The following PRMT8 variants were observed in gnomAD, a reference collection of about 807,000 sequenced individuals.
PRMT8 encodes protein arginine methyltransferase 8, also known as protein arginine N-methyltransferase 8.
PRMT8 carries 7 observed loss-of-function variants against 47.1 expected under a neutral mutation model. The observed-to-expected ratio is 0.15, with a 90% CI of 0.08 to 0.28. The LOEUF (loss-of-function observed/expected upper bound fraction) is 0.28. Among genes scored for constraint, PRMT8 ranks in the 10% least tolerant of loss-of-function variants. The pLI is 1.00. For synonymous variants in PRMT8, 188 were observed against 186.5 expected, an observed-to-expected ratio of 1.01 and a Z score of -0.07; for missense variants, 237 against 505.4, an observed-to-expected ratio of 0.47 and a Z score of 5.09.
At chr12:3,394,889 T>G (rs1310953647) in intron 1 of PRMT8, among the ~76,000 whole-genome samples, 3 of 151,466 alleles carry the variant, frequency 2.0e-5, no homozygotes, top group East Asian at 1.9e-4. Flanking sequence ...CAATTTCAGA[T>G]CCTGTTATTG....
At chr12:3,577,038 C>A in intron 7 of PRMT8, 52 bp downstream of exon 7, 1 of 1,490,182 alleles carries the variant, frequency 6.7e-7, no homozygotes, top group South Asian at 1.1e-5. Flanking sequence ...CCCCGCTGTG[C>A]CACCCTGGAG....
rs560025139 is a variant in PRMT8 at position 3,580,726 on chromosome 12, G to T, written c.829-2332G>T. ...TGGAAGGCCATGCTACACTGGTGACGGAGGGAACCAAGAAAGAAAGATACC... is the reference window on the plus strand; with the variant it reads ...TGGAAGGCCATGCTACACTGGTGACTGAGGGAACCAAGAAAGAAAGATACC... On this transcript the variant is annotated intron_variant, in intron 7 of 9. Transcript: ENST00000382622. The surrounding 1 kb of genome is among the most constrained non-coding windows in gnomAD (Gnocchi z 4.6). Among the ~76,000 whole-genome samples, 2 of 152,248 alleles carry T rather than the reference G, an allele frequency of 1.3e-5. No homozygotes were observed. The highest frequency in any genetic ancestry group is 3.9e-4 in the East Asian group (2 of 5,182).
intron 1 of PRMT8, among the ~76,000 whole-genome samples, chr12:3,537,974 C>T (rs746097522): frequency 2.0e-5 from 3 of 152,270 alleles, no homozygotes; most frequent in East Asian, 3.9e-4. Context: ...GGTTACAAAC[C>T]GGCAATAGCT....
At chr12:3,424,059 A>G (rs944152007) in intron 1 of PRMT8, among the ~76,000 whole-genome samples, 2 of 152,206 alleles carry the variant, frequency 1.3e-5, no homozygotes, top group African/African-American at 4.8e-5. Flanking sequence ...ACTGGGCTAC[A>G]TGCTTGGCTA....
At chr12:3,414,290 C>T (rs564026670) in intron 1 of PRMT8, among the ~76,000 whole-genome samples, 1 of 152,214 alleles carries the variant, frequency 6.6e-6, no homozygotes, top group South Asian at 2.1e-4. Context: ...AAAAGTCTCA[C>T]CGCACTTCTG....
At chr12:3,542,932 A>G (rs1866256834) in intron 2 of PRMT8, among the ~76,000 whole-genome samples, 2 of 152,266 alleles carry the variant, frequency 1.3e-5, no homozygotes, top group Admixed American at 1.3e-4. Flanking sequence ...CCTGGTCAGC[A>G]CCATGACCCA....
At chr12:3,512,843 G>C (rs1400386996) in intron 1 of PRMT8, among the ~76,000 whole-genome samples, 1 of 152,198 alleles carries the variant, frequency 6.6e-6, no homozygotes, top group Non-Finnish European at 1.5e-5. Flanking sequence ...GAGTAATGCA[G>C]GGTGGTTGTT....
rs1000612218 is a variant in PRMT8, at chr12:3,428,904, ATCTC to A, written c.48+47466_48+47469del. 2.2e-5 allele frequency among the ~76,000 whole-genome samples: 2 copies of A among 90,980 alleles called. 1 individual carries two copies. The allele number at this position is 90,980 out of a possible 152,430, so 59.7% of individuals were successfully genotyped here. A position where few individuals can be genotyped will look rare whatever the true frequency, so the allele number is the denominator to read the frequency against. On this transcript the variant is annotated intron_variant, in intron 1 of 9. Coordinates refer to the PRMT8 transcript ENST00000452611. ...TTACTCTCTCCGCCTGTCTCTCTCT[ATCTC>A]TCTTTCCTTGACTCCATCTTTGTCT...
At chr12:3,441,526 C>T (rs1271639694) in intron 1 of PRMT8, among the ~76,000 whole-genome samples, 9 of 152,214 alleles carry the variant, frequency 5.9e-5, no homozygotes. Context: ...AACCTTTGGG[C>T]CTCATACCCT....
intron 7 of PRMT8, among the ~76,000 whole-genome samples, chr12:3,579,330 T>A (rs1867008474): frequency 6.6e-6 from 1 of 152,146 alleles, no homozygotes; most frequent in African/African-American, 2.4e-5. Context: ...GCCACTGCAT[T>A]TCTGTTTGCA....
At chr12:3,477,716 C>T (rs7979145) in intron 1 of PRMT8, among the ~76,000 whole-genome samples, 115,247 of 152,052 alleles carry the variant, frequency 0.76, 43,943 homozygotes, top group Middle Eastern at 0.86. Context: ...CACTGGCGGT[C>T]GTTTCTCATT....
intron 1 of PRMT8, among the ~76,000 whole-genome samples, chr12:3,530,486 A>C (rs1409043977): frequency 6.6e-6 from 1 of 152,236 alleles, no homozygotes; most frequent in Non-Finnish European, 1.5e-5. Context: ...CATAGCCCAT[A>C]GTTTCAGATA....
chr12:3,484,762 C>A lies in PRMT8; in HGVS notation c.49-55844C>A, dbSNP rs149732581. 4.6e-5 allele frequency among the ~76,000 whole-genome samples: 7 copies of A among 152,318 alleles called. No homozygotes were observed. The South Asian group carries it at 1.5e-3, about 32-fold the overall frequency. On this transcript the variant is annotated intron_variant, in intron 1 of 9. Coordinates refer to the PRMT8 transcript ENST00000452611. ...TCAGCCTCCCTCACACTTTGAAGCA[C>A]GCTTTGATAGGCTCCATTGGGAGGT...
chr12:3,516,875 A>C (rs1383511704), intron 1 of PRMT8, among the ~76,000 whole-genome samples: 1 of 152,144 alleles, frequency 6.6e-6, no homozygotes, highest in Non-Finnish European at 1.5e-5. Flanking sequence ...CCAGTCTGCA[A>C]AATAGCTCAC....
In PRMT8 at chr12:3,408,153, CTCTT is replaced by C. The variant is rs540640606; in HGVS notation, c.48+26730_48+26733del. Among the ~76,000 whole-genome samples, 775 of 150,374 alleles carry C rather than the reference CTCTT, an allele frequency of 5.2e-3. 5 individuals carry two copies. The highest frequency in any genetic ancestry group is 0.016 in the South Asian group (75 of 4,680). On this transcript the variant is annotated intron_variant, in intron 1 of 9. Coordinates refer to the PRMT8 transcript ENST00000452611. ...TTTTCCTCTCTCCCTCCCTCTCTTT[CTCTT>C]TCTTTCTTTCTTTCTTTCCTTCCTT...
At chr12:3,568,069 T>A (rs1213731974) in intron 4 of PRMT8, among the ~76,000 whole-genome samples, 1 of 136,058 alleles carries the variant, frequency 7.3e-6, no homozygotes, top group African/African-American at 2.8e-5. Context: ...TGAAACTCCG[T>A]CTCAAAAAAA....
In PRMT8 at chr12:3,580,375, C is replaced by T. The variant is rs987093934; in HGVS notation, c.829-2683C>T. 4.7e-5 allele frequency among the ~76,000 whole-genome samples: 7 copies of T among 148,280 alleles called. No individual in the cohort carries two copies. The highest frequency in any genetic ancestry group is 7.5e-5 in the Non-Finnish European group (5 of 66,598). On this transcript the variant is annotated intron_variant, in intron 7 of 9. Transcript: ENST00000382622. The surrounding 1 kb of genome is among the most constrained non-coding windows in gnomAD (Gnocchi z 4.6). ...GTGTGTGTGTGTGTGTGTACGCGTG[C>T]GCATGCGGGATAGAAGGAGAAAGTA...
chr12:3,553,493 G>T (rs916468622), intron 3 of PRMT8, 158 bp from the exon 4 acceptor site: 27 of 658,340 alleles, frequency 4.1e-5, no homozygotes, highest in African/African-American at 2.0e-4. Flanking sequence ...GAGGTGGGGG[G>T]GCTGGGTTTC....
rs116113479 is a variant in PRMT8, at chr12:3,517,330, G to A, written c.76-23276G>A. ...GGCCCGTACAGAGATCTCTGTGCCC[G>A]CGTGGAGTGAGTCTCTGGCCGAGAG... is the stretch of plus-strand genomic sequence containing the variant. On this transcript the variant is annotated intron_variant, in intron 1 of 9. Transcript: ENST00000382622. Among the ~76,000 whole-genome samples, 1,038 of 152,244 alleles carry A rather than the reference G, an allele frequency of 6.8e-3. 15 individuals are homozygous for A. Among genetic ancestry groups the A allele is most frequent in the African/African-American group, 0.023 (967 of 41,540 alleles).
Sources: gnomAD v4.1 joint callset for allele counts (sites outside exome capture counted in the v4.1 genomes callset) on GRCh38, gnomAD v4.1.1 for gene constraint, Gnocchi (gnomAD v3.1) non-coding constraint, MANE v1.5 for transcripts, NCBI Gene and HGNC (gene_info 2026-07-23, HGNC 2026-07-21) for gene names.